PRUNE1: variants seen among roughly 807,000 people sequenced by gnomAD.
PRUNE1 encodes exopolyphosphatase PRUNE1.
A neutral mutation model predicts 42.5 loss-of-function variants in PRUNE1; 25 were observed. The observed-to-expected ratio is 0.59, with a 90% CI of 0.43 to 0.82. PRUNE1 has a LOEUF of 0.82. Ranked by LOEUF, PRUNE1 falls within the 40% of genes least tolerant of loss-of-function variation. The probability of loss-of-function intolerance (pLI) is 0.00; values close to 1 mark genes in which losing one functional copy is unlikely to be tolerated. For missense variants in PRUNE1, 443 were observed against 539.3 expected, an observed-to-expected ratio of 0.82 and a Z score of 1.77; for synonymous variants, 203 against 217.1, an observed-to-expected ratio of 0.93 and a Z score of 0.57.
chr1:151,019,514 C>G (rs587658105), intron 3 of PRUNE1, among the ~76,000 whole-genome samples: 1 of 149,182 alleles, frequency 6.7e-6, no homozygotes, highest in African/African-American at 2.5e-5. Flanking sequence ...CAAGATCACA[C>G]CACTCCACTC....
intron 3 of PRUNE1, among the ~76,000 whole-genome samples, chr1:151,020,285 T>C (rs1674342040): frequency 6.6e-6 from 1 of 151,420 alleles, no homozygotes; most frequent in South Asian, 2.1e-4. Flanking sequence ...ACCTTGTCTC[T>C]ACTAAAAATA....
chr1:151,017,743 T>TA (rs200419127), intron 1 of PRUNE1, 69 bp from the exon 2 acceptor site: 7,578 of 915,532 alleles, frequency 8.3e-3, no homozygotes, highest in Middle Eastern at 9.9e-3. Flanking sequence ...ATATATTATT[T>TA]AAAAAAAAAA....
chr1:151,025,942 T>C (rs1387583644), intron 5 of PRUNE1, among the ~76,000 whole-genome samples: 1 of 151,802 alleles, frequency 6.6e-6, no homozygotes, highest in African/African-American at 2.4e-5. Context: ...GGTTTCACCA[T>C]GTTGACCAGG....
Position 151,008,489 on chromosome 1 carries a change from G to C in PRUNE1, c.-144G>C. ...TCCTCCCGGGGTCGGAGGCCGATTC[G>C]CCGTGTGGCGGGTTCGAGTCCCGCC... is the stretch of plus-strand genomic sequence containing the variant. On this transcript the variant is annotated 5_prime_UTR_variant, in exon 1 of 8. Transcript: ENST00000271620. 1.6e-6 allele frequency: 2 copies of C among 1,232,368 alleles called. No homozygotes were observed. Among genetic ancestry groups the C allele is most frequent in the South Asian group, 2.5e-5 (2 of 79,024 alleles). The allele number at this position is 1,232,368 out of a possible 1,614,324, so 76.3% of individuals were successfully genotyped here. A position where few individuals can be genotyped will look rare whatever the true frequency, so the allele number is the denominator to read the frequency against.
chr1:151,033,882 A>C lies in PRUNE1; in HGVS notation c.1010A>C (p.His337Pro). The C allele has an allele frequency of 6.2e-7, 1 of 1,613,608 alleles. No homozygotes were observed. The highest frequency in any genetic ancestry group is 1.1e-5 in the South Asian group (1 of 91,058). ...GCCTCAAGTACCCACCCTAACCTCCATGCCTATCTTCAAGGCAACACCCAG... is the reference window on the plus strand; with the variant it reads ...GCCTCAAGTACCCACCCTAACCTCCCTGCCTATCTTCAAGGCAACACCCAG... Reference protein sequence around the residue: ...TPASSTHPNLHAYLQGNTQVS... With the variant: ...TPASSTHPNLPAYLQGNTQVS... Residue 337 changes from histidine to proline, a missense_variant, in exon 8 of 8, where the codon CAT (histidine) becomes CCT (proline). Transcript: ENST00000271620.
Position 151,008,465 on chromosome 1 carries a change from C to T in PRUNE1, c.-168C>T, listed in dbSNP as rs1267854041. On this transcript the variant is annotated 5_prime_UTR_variant, in exon 1 of 8. Transcript: ENST00000271620. ...CTCCGGAGCGCCCGCTTACGCAGTTCCTCCCGGGGTCGGAGGCCGATTCGC... is the reference window on the plus strand; with the variant it reads ...CTCCGGAGCGCCCGCTTACGCAGTTTCTCCCGGGGTCGGAGGCCGATTCGC... 2 of 1,118,148 alleles carry T rather than the reference C, an allele frequency of 1.8e-6. No homozygotes were observed. Among genetic ancestry groups the T allele is most frequent in the Admixed American group, 2.0e-5 (1 of 50,176 alleles). 69.3% of individuals were successfully genotyped at this position (1,118,148 alleles called of 1,614,324 possible).
chr1:151,029,593 T>G (rs1675111333), intron 7 of PRUNE1, among the ~76,000 whole-genome samples: 1 of 151,524 alleles, frequency 6.6e-6, no homozygotes, highest in African/African-American at 2.4e-5. Context: ...AGTCTCGATC[T>G]CCTGACCTCG....
rs61399605 is a variant in PRUNE1, at chr1:151,019,556, C to CAA, written c.335+904_335+905dup. Reference sequence around the variant, plus strand: ...TGGGAGACAGAGGGAGACCCTGTCTCAAAAAAAAAAAAAAAAAAGATTCTG... The same window carrying CAA: ...TGGGAGACAGAGGGAGACCCTGTCTCAAAAAAAAAAAAAAAAAAAAGATTCTG... On this transcript the variant is annotated intron_variant, in intron 3 of 7. Coordinates refer to ENST00000271620, the MANE Select transcript of PRUNE1 (RefSeq NM_021222.3). Among the ~76,000 whole-genome samples the CAA allele has an allele frequency of 3.4e-3, 362 of 105,980 alleles. 4 individuals carry two copies. In the Middle Eastern group the frequency reaches 0.049, roughly 14 times the overall value. The allele number at this position is 105,980 out of a possible 152,430, so 69.5% of individuals were successfully genotyped here. A position where few individuals can be genotyped will look rare whatever the true frequency, so the allele number is the denominator to read the frequency against.
chr1:151,029,520 A>G (rs369164068), intron 7 of PRUNE1, among the ~76,000 whole-genome samples: 3,629 of 151,588 alleles, frequency 0.024, 78 homozygotes, highest in Middle Eastern at 0.058. Context: ...GGCGCCCGCC[A>G]CCACGCCCGG....
chr1:151,023,446 G>A (rs145536114), intron 3 of PRUNE1, among the ~76,000 whole-genome samples: 4 of 152,258 alleles, frequency 2.6e-5, no homozygotes, highest in South Asian at 2.1e-4. Context: ...TTTGCTGGGC[G>A]CGGTGGCTCA....
At chr1:151,019,569 A>C (rs1674296416) in intron 3 of PRUNE1, among the ~76,000 whole-genome samples, 1 of 151,550 alleles carries the variant, frequency 6.6e-6, no homozygotes, top group African/African-American at 2.4e-5. Flanking sequence ...AAAAAAAAAA[A>C]AAAAAGATTC....
intron 3 of PRUNE1, 26 bp from the exon 4 acceptor site, chr1:151,024,585 C>A: frequency 6.4e-7 from 1 of 1,572,880 alleles, no homozygotes; most frequent in Non-Finnish European, 8.8e-7. Context: ...CTTTCTTCCT[C>A]TTTTCCCATA....
At chr1:151,026,623 C>T (rs587757452) in intron 5 of PRUNE1, among the ~76,000 whole-genome samples, 6 of 150,884 alleles carry the variant, frequency 4.0e-5, no homozygotes, top group Admixed American at 1.3e-4. Flanking sequence ...GAAGAGAACC[C>T]AAAAAAAACT....
chr1:151,023,296 C>T (rs1331922328), intron 3 of PRUNE1, among the ~76,000 whole-genome samples: 2 of 151,988 alleles, frequency 1.3e-5, no homozygotes, highest in South Asian at 2.1e-4. Flanking sequence ...ATAGTCCAGA[C>T]GAGAGATATT....
rs11204757 is a variant in PRUNE1, at chr1:151,011,336, C to G, written c.39+2665C>G. Among the ~76,000 whole-genome samples, 529 of 152,184 alleles carry G rather than the reference C, an allele frequency of 3.5e-3. 3 individuals are homozygous for G. The highest frequency in any genetic ancestry group is 8.1e-3 in the South Asian group (39 of 4,810). ...ATAGGATGTTCCATTAAAAAAAAAT[C>G]ATTTAACCAAATGTCCTATTTATGG... On this transcript the variant is annotated intron_variant, in intron 1 of 7. Coordinates refer to ENST00000271620, the MANE Select transcript of PRUNE1 (RefSeq NM_021222.3).
At chr1:151,033,451 C>T (rs1298839228) in intron 7 of PRUNE1, among the ~76,000 whole-genome samples, 3 of 139,530 alleles carry the variant, frequency 2.2e-5, no homozygotes, top group African/African-American at 5.5e-5. Context: ...AGTGCAGTGG[C>T]GCGATCTCCG....
chr1:151,032,546 T>C (rs1180936240), intron 7 of PRUNE1, among the ~76,000 whole-genome samples: 1 of 151,852 alleles, frequency 6.6e-6, no homozygotes, highest in South Asian at 2.1e-4. Flanking sequence ...TAACCCCGTC[T>C]CCACTAAAAA....
At chr1:151,029,954 C>G (rs897327335) in intron 7 of PRUNE1, among the ~76,000 whole-genome samples, 2 of 151,730 alleles carry the variant, frequency 1.3e-5, no homozygotes, top group African/African-American at 4.8e-5. Flanking sequence ...ACTGATTAGC[C>G]TAGGGAAGAA....
At chr1:151,018,707 C>A in intron 3 of PRUNE1, 38 bp downstream of exon 3, 1 of 1,557,812 alleles carries the variant, frequency 6.4e-7, no homozygotes, top group East Asian at 2.2e-5. Flanking sequence ...CTATCATGTA[C>A]CATGCTGGGC....
Sources: allele counts gnomAD v4.1 joint callset (sites outside exome capture counted in the v4.1 genomes callset), GRCh38; gene constraint gnomAD v4.1.1; transcripts MANE v1.5; gene names NCBI Gene and HGNC (gene_info 2026-07-23, HGNC 2026-07-21).